RIMS1: variants seen among roughly 807,000 people sequenced by gnomAD.
RIMS1 encodes regulating synaptic membrane exocytosis 1, also known as regulating synaptic membrane exocytosis protein 1.
RIMS1 carries 83 observed loss-of-function variants against 214.1 expected under a neutral mutation model. That is an observed-to-expected ratio of 0.39 (90% CI 0.32 to 0.47). The LOEUF (loss-of-function observed/expected upper bound fraction) is 0.47, where lower values mean the gene tolerates loss of function less well. RIMS1 is among the 20% of genes least tolerant of loss of function. The probability of loss-of-function intolerance (pLI) is 0.99; values close to 1 mark genes in which losing one functional copy is unlikely to be tolerated. For synonymous variants in RIMS1, 793 were observed against 786.8 expected (o/e 1.01, Z -0.13); for missense variants, 2,050 against 2,161.8 (o/e 0.95, Z 1.03).
At chr6:72,399,159 G>A in intron 33 of RIMS1, 65 bp downstream of exon 33, 4 of 1,342,842 alleles carry the variant, frequency 3.0e-6, no homozygotes, top group African/African-American at 1.5e-5. Flanking sequence ...TCGAAGAGAT[G>A]GTCAAACACA....
At chr6:71,940,283 T>TTGAAAA (rs1785660259) in intron 1 of RIMS1, among the ~76,000 whole-genome samples, 1 of 152,202 alleles carries the variant, frequency 6.6e-6, no homozygotes. Context: ...ATTACTGTAC[T>TTGAAAA]ATCAGCTGGC....
chr6:72,393,753 C>T (rs2098738929), intron 31 of RIMS1, among the ~76,000 whole-genome samples: 1 of 151,824 alleles, frequency 6.6e-6, no homozygotes, highest in South Asian at 2.1e-4. Context: ...ATCAGATTCT[C>T]ATTGAGCTCT....
In RIMS1 at chr6:72,141,797, T is replaced by G. The variant is rs200718995; in HGVS notation, c.472-37778T>G. On this transcript the variant is annotated intron_variant, in intron 4 of 33. Coordinates refer to ENST00000521978, the MANE Select transcript of RIMS1 (RefSeq NM_014989.7). The stretch of plus-strand genomic sequence containing the variant: ...AGAATTTCATGATAAGTCACTAGAC[T>G]TGGATTAAAGTGGTTGGTTCTCACC... Among the ~76,000 whole-genome samples, 6 of 152,130 alleles carry G rather than the reference T, an allele frequency of 3.9e-5. No homozygotes were observed. In the East Asian group the frequency reaches 1.2e-3, roughly 29 times the overall value.
chr6:72,213,005 G>A, intron 6 of RIMS1: 1 of 1,482,928 alleles, frequency 6.7e-7, no homozygotes, highest in Non-Finnish European at 8.9e-7. Flanking sequence ...AATGATATAA[G>A]CAGAGTGATG....
Position 72,260,733 on chromosome 6 carries a change from C to G in RIMS1, c.3082C>G (p.Arg1028Gly). The change falls in exon 19 of 34, where the codon CGA becomes GGA. Residue 1028 changes from arginine to glycine, a missense_variant. This residue lies in a region of RIMS1 where 889 missense variants were observed against 885.5 expected (regional missense o/e 1.00). Coordinates refer to ENST00000521978, the MANE Select transcript of RIMS1 (RefSeq NM_014989.7). Reference sequence around the variant, plus strand: ...GCTTCTTATGCTGCCCAGAGCAAAACGAGGACGAAGTGCAGAATGCCTACA... The same window carrying G: ...GCTTCTTATGCTGCCCAGAGCAAAAGGAGGACGAAGTGCAGAATGCCTACA... The part of the protein sequence containing the change: ...SELLMLPRAK[R>G]GRSAECLHTT... The G allele has an allele frequency of 6.2e-7, 1 of 1,612,462 alleles. No individual in the cohort carries two copies. Among genetic ancestry groups the G allele is most frequent in the Non-Finnish European group, 8.5e-7 (1 of 1,178,954 alleles).
At chr6:72,283,105 T>C (rs2090943526) in intron 23 of RIMS1, among the ~76,000 whole-genome samples, 1 of 152,064 alleles carries the variant, frequency 6.6e-6, no homozygotes, top group Non-Finnish European at 1.5e-5. Context: ...GATATTTTTC[T>C]CAACATTGTT....
intron 25 of RIMS1, 89 bp downstream of exon 25, chr6:72,290,950 C>G (rs2093301199): frequency 8.9e-7 from 1 of 1,129,922 alleles, no homozygotes; most frequent in South Asian, 1.5e-5. Context: ...GAAGCTTTCA[C>G]TCATTTTGAC....
Position 72,213,223 on chromosome 6 carries a change from G to A in RIMS1, c.1679-20550G>A, listed in dbSNP as rs560702162. 11 of 1,535,244 alleles carry A rather than the reference G, an allele frequency of 7.2e-6. No homozygotes were observed. The highest frequency in any genetic ancestry group is 9.6e-6 in the Non-Finnish European group (11 of 1,145,854). On this transcript the variant is annotated intron_variant, in intron 6 of 33. Coordinates refer to ENST00000521978, the MANE Select transcript of RIMS1 (RefSeq NM_014989.7). ...ATTGAAGCTCGACGAGCAGTTGCTG[G>A]TAAGCAATAGATAATGGTAATCCCA...
chr6:72,259,105 A>G lies in RIMS1; in HGVS notation c.3047A>G (p.Gln1016Arg). The stretch of plus-strand genomic sequence containing the variant: ...GTGGATAGTCAGTATTTATCAGAAC[A>G]AGACAGGTATTTGTCAAAATTATGA... ...RDVDSQYLSEQDSELLMLPRA... is the reference protein window; with the variant it reads ...RDVDSQYLSERDSELLMLPRA... The change falls in exon 18 of 34, where the codon CAA becomes CGA. Residue 1016 changes from glutamine (Q) to arginine (R), a missense_variant. By Grantham distance (43) the Gln-to-Arg change is conservative (BLOSUM62 1). Around this residue, in one of 6 missense-constraint regions of RIMS1, gnomAD observed 889 missense variants for 885.5 expected, o/e 1.00. Coordinates refer to ENST00000521978, the MANE Select transcript of RIMS1 (RefSeq NM_014989.7). 1 of 1,611,880 alleles carries G rather than the reference A, an allele frequency of 6.2e-7. No individual in the cohort carries two copies. The highest frequency in any genetic ancestry group is 8.5e-7 in the Non-Finnish European group (1 of 1,178,612).
At chr6:72,240,432 AGTATT>A (rs10572409) in intron 9 of RIMS1, among the ~76,000 whole-genome samples, 4,490 of 151,722 alleles carry the variant, frequency 0.03, 196 homozygotes, top group African/African-American at 0.1. Flanking sequence ...AATCAGGGTA[AGTATT>A]GTTTCATAAA....
At chr6:72,321,200 A>G (rs565111380) in intron 28 of RIMS1, among the ~76,000 whole-genome samples, 1 of 152,118 alleles carries the variant, frequency 6.6e-6, no homozygotes, top group Non-Finnish European at 1.5e-5. Context: ...AATTAGTTGT[A>G]TTATTTGTTA....
In RIMS1 at chr6:72,400,412, A is replaced by G. The variant is rs2098827410; in HGVS notation, c.4861-84A>G. On this transcript the variant is annotated intron_variant, in intron 33 of 33. Transcript: ENST00000521978. ...TTTCCTCTGCTTCACTGACTGGCCC[A>G]CTTTTACAGCATAGTTGCTTTGAGC... The G allele has an allele frequency of 2.6e-6, 3 of 1,170,948 alleles. No individual in the cohort carries two copies. The South Asian group carries it at 3.8e-5, about 15-fold the overall frequency. The allele number at this position is 1,170,948 out of a possible 1,614,324, so 72.5% of individuals were successfully genotyped here.
chr6:72,400,711 A>C lies in RIMS1; in HGVS notation c.5076A>C (p.Ser1692=), dbSNP rs61736795. ...ESSTGPPCIR[S] is the part of the protein sequence containing the mutation. ...CAACTGGGCCTCCCTGTATTCGATC[A>C]TAGTGAACTCATACCAGAGTCATTC... Residue 1692 remains serine, a synonymous_variant, in exon 34 of 34, where the codon TCA becomes TCC. Transcript: ENST00000521978. The C allele has an allele frequency of 6.2e-7, 1 of 1,607,340 alleles. No individual in the cohort carries two copies. The highest frequency in any genetic ancestry group is 1.1e-5 in the South Asian group (1 of 90,866).
intron 2 of RIMS1, among the ~76,000 whole-genome samples, chr6:71,999,951 C>G (rs1804628748): frequency 1.3e-5 from 2 of 152,220 alleles, no homozygotes; most frequent in African/African-American, 4.8e-5. Flanking sequence ...TCTTATTACA[C>G]TTTAGATTGA....
chr6:72,329,784 G>A (rs1397775907), intron 28 of RIMS1, among the ~76,000 whole-genome samples: 5 of 151,692 alleles, frequency 3.3e-5, no homozygotes, highest in Non-Finnish European at 7.4e-5. Flanking sequence ...ACTCTGAGCA[G>A]TTGGGTAGAT....
intron 1 of RIMS1, among the ~76,000 whole-genome samples, chr6:71,891,374 T>A (rs1769832410): frequency 6.6e-6 from 1 of 152,262 alleles, no homozygotes; most frequent in Non-Finnish European, 1.5e-5. Context: ...TCTCCTTCTC[T>A]TCTTAACAGG....
At chr6:71,942,169 C>T (rs2151024628) in intron 1 of RIMS1, among the ~76,000 whole-genome samples, 1 of 152,296 alleles carries the variant, frequency 6.6e-6, no homozygotes, top group Non-Finnish European at 1.5e-5. Context: ...CGGCCTTAAA[C>T]ATAGCATATG....
rs1355742481 is a variant in RIMS1, at chr6:72,230,770, A to G, written c.1679-3003A>G. On this transcript the variant is annotated intron_variant, in intron 6 of 33. Transcript: ENST00000521978. Reference sequence around the variant, plus strand: ...AGTTGGGTGTTTATTAAGTTTAATAACCTACTTTTTCACAAGGGATAGTAT... The same window carrying G: ...AGTTGGGTGTTTATTAAGTTTAATAGCCTACTTTTTCACAAGGGATAGTAT... Among the ~76,000 whole-genome samples, 3 of 151,686 alleles carry G rather than the reference A, an allele frequency of 2.0e-5. No individual in the cohort carries two copies. The East Asian group carries it at 5.8e-4, about 29-fold the overall frequency.
intron 2 of RIMS1, among the ~76,000 whole-genome samples, chr6:72,033,136 G>T (rs140760767): frequency 2.9e-4 from 44 of 152,292 alleles, no homozygotes; most frequent in Middle Eastern, 3.4e-3. Flanking sequence ...ACTGGATGTT[G>T]CATTTTCCAG....
Sources: gnomAD v4.1 joint callset for allele counts (sites outside exome capture counted in the v4.1 genomes callset) on GRCh38, gnomAD v4.1.1 for gene constraint, gnomAD v4.1.1 regional missense constraint, MANE v1.5 for transcripts, NCBI Gene and HGNC (gene_info 2026-07-23, HGNC 2026-07-21) for gene names.